The following HPSE2 variants were observed in gnomAD, a reference collection of about 807,000 sequenced individuals.
HPSE2 encodes heparanase 2 (inactive), also known as inactive heparanase-2.
In HPSE2, 38 loss-of-function variants were observed where a neutral mutation model predicts 60.5. The ratio of observed to expected loss-of-function variants is 0.63; its 90% CI spans 0.48 to 0.82. The LOEUF (loss-of-function observed/expected upper bound fraction) is 0.82. Among genes scored for constraint, HPSE2 ranks in the 40% least tolerant of loss-of-function variants. HPSE2 has a pLI of 0.00. For synonymous variants in HPSE2, 295 were observed against 293.2 expected (o/e 1.01, Z -0.06); for missense variants, 713 against 740.4 (o/e 0.96, Z 0.43).
chr10:98,982,883 C>G (rs1463969702), intron 3 of HPSE2, among the ~76,000 whole-genome samples: 1 of 152,212 alleles, frequency 6.6e-6, no homozygotes, highest in South Asian at 2.1e-4. Context: ...TGGCTGATCA[C>G]TTGAATTACT....
intron 10 of HPSE2, among the ~76,000 whole-genome samples, chr10:98,489,341 T>C (rs555447966): frequency 2.0e-5 from 3 of 152,188 alleles, no homozygotes; most frequent in Non-Finnish European, 4.4e-5. Flanking sequence ...TTATTGACAA[T>C]TAATTTTCCT....
the HPSE2 span, among the ~76,000 whole-genome samples, chr10:99,262,569 A>T: frequency 6.6e-6 from 1 of 152,130 alleles, no homozygotes; most frequent in Non-Finnish European, 1.5e-5. Context: ...ACCCTGCTTA[A>T]TGCCAATATC....
chr10:98,676,343 A>C (rs570435483), intron 6 of HPSE2, among the ~76,000 whole-genome samples: 2 of 152,272 alleles, frequency 1.3e-5, no homozygotes, highest in African/African-American at 4.8e-5. Flanking sequence ...CTTACTCTTC[A>C]AGTAAAATCC....
the HPSE2 span, among the ~76,000 whole-genome samples, chr10:99,309,418 T>C: frequency 6.6e-6 from 1 of 152,194 alleles, no homozygotes; most frequent in Non-Finnish European, 1.5e-5. Flanking sequence ...AACAGTCAAT[T>C]TGTGAAAAGG....
Position 99,063,535 on chromosome 10 carries a change from A to G in HPSE2, c.610+80703T>C, listed in dbSNP as rs142208119. 7.9e-5 allele frequency among the ~76,000 whole-genome samples: 12 copies of G among 152,310 alleles called. No homozygotes were observed. In the East Asian group the frequency reaches 2.3e-3, roughly 29 times the overall value. On this transcript the variant is annotated intron_variant, in intron 3 of 11. Coordinates refer to ENST00000370552, the MANE Select transcript of HPSE2 (RefSeq NM_021828.5). ...TTCACAGTTGAAAAGAGTGTAAACC[A>G]TTTAGGTGGGCAATTTCCCTGTACT...
intron 7 of HPSE2, among the ~76,000 whole-genome samples, chr10:98,623,122 T>C (rs906113977): frequency 6.6e-6 from 1 of 152,086 alleles, no homozygotes; most frequent in African/African-American, 2.4e-5. Flanking sequence ...TTAAAGGCAG[T>C]TAGAGAAAGG....
At chr10:98,472,207 C>T (rs1227727536) in intron 11 of HPSE2, among the ~76,000 whole-genome samples, 1 of 151,494 alleles carries the variant, frequency 6.6e-6, no homozygotes, top group Non-Finnish European at 1.5e-5. Context: ...TATATATACT[C>T]TTACATATAT....
chr10:99,019,832 T>G (rs1957222702), intron 3 of HPSE2, among the ~76,000 whole-genome samples: 1 of 151,756 alleles, frequency 6.6e-6, no homozygotes, highest in East Asian at 1.9e-4. Context: ...CCCCGTCAGC[T>G]TCCCTAGTAG....
chr10:98,655,243 T>A (rs1373913146), intron 6 of HPSE2, among the ~76,000 whole-genome samples: 1 of 152,006 alleles, frequency 6.6e-6, no homozygotes, highest in African/African-American at 2.4e-5. Context: ...TTTTTTTTTA[T>A]GGAAAATGCT....
intron 2 of HPSE2, among the ~76,000 whole-genome samples, chr10:99,202,762 C>G (rs1466222757): frequency 6.6e-6 from 1 of 152,120 alleles, no homozygotes; most frequent in Non-Finnish European, 1.5e-5. Context: ...ATTTGAACAA[C>G]TAACCACACA....
chr10:98,651,584 A>T (rs1946916370), intron 6 of HPSE2, among the ~76,000 whole-genome samples: 1 of 152,062 alleles, frequency 6.6e-6, no homozygotes, highest in Non-Finnish European at 1.5e-5. Context: ...TTTTCCCTCC[A>T]ATCTCCTACA....
In HPSE2 at chr10:98,600,925, A is replaced by G. The variant is rs377001666; in HGVS notation, c.1320+13979T>C. 8.4e-3 allele frequency among the ~76,000 whole-genome samples: 245 copies of G among 29,128 alleles called. 2 individuals are homozygous for G. The highest frequency in any genetic ancestry group is 0.011 in the African/African-American group (214 of 19,690). The allele number at this position is 29,128 out of a possible 152,430, so 19.1% of individuals were successfully genotyped here. A position where few individuals can be genotyped will look rare whatever the true frequency, so the allele number is the denominator to read the frequency against. On this transcript the variant is annotated intron_variant, in intron 9 of 11. Coordinates refer to ENST00000370552, the MANE Select transcript of HPSE2 (RefSeq NM_021828.5). ...TATGTGTGTGTGTATATATATATAT[A>G]TATATATATATATATAGAAAGAGAG...
intron 2 of HPSE2, among the ~76,000 whole-genome samples, chr10:99,163,953 A>G (rs1331922372): frequency 6.6e-6 from 1 of 151,994 alleles, no homozygotes; most frequent in African/African-American, 2.4e-5. Flanking sequence ...TCCCTTGGTT[A>G]AAATTAGTTC....
chr10:98,986,576 A>G (rs543788659), intron 3 of HPSE2, among the ~76,000 whole-genome samples: 3 of 150,868 alleles, frequency 2.0e-5, no homozygotes, highest in Non-Finnish European at 4.4e-5. Flanking sequence ...CATCACAATT[A>G]AAAGAACTAG....
the HPSE2 span, among the ~76,000 whole-genome samples, chr10:99,294,902 G>GCCTGGCTGCAC: frequency 3.3e-5 from 5 of 151,810 alleles, no homozygotes; most frequent in Admixed American, 6.6e-5. Flanking sequence ...GTTGCAGTGA[G>GCCTGGCTGCAC]TCGAGATGGC....
intron 4 of HPSE2, among the ~76,000 whole-genome samples, chr10:98,738,451 G>T (rs1949412682): frequency 6.6e-6 from 1 of 152,144 alleles, no homozygotes; most frequent in South Asian, 2.1e-4. Flanking sequence ...AAAATCAATT[G>T]CAACAAAAGC....
intron 9 of HPSE2, among the ~76,000 whole-genome samples, chr10:98,497,945 C>G (rs866857133): frequency 6.6e-6 from 1 of 152,152 alleles, no homozygotes; most frequent in Non-Finnish European, 1.5e-5. Context: ...ATTTTATGAA[C>G]TTTGGCCAGA....
At chr10:99,123,143 G>A (rs1015989090) in intron 3 of HPSE2, among the ~76,000 whole-genome samples, 2 of 152,048 alleles carry the variant, frequency 1.3e-5, no homozygotes, top group Admixed American at 6.6e-5. Context: ...AAAGAGTAAA[G>A]CTCTAAATTA....
intron 2 of HPSE2, among the ~76,000 whole-genome samples, chr10:99,229,251 C>T (rs1157407456): frequency 6.6e-6 from 1 of 151,806 alleles, no homozygotes; most frequent in Non-Finnish European, 1.5e-5. Flanking sequence ...CTCAATGCTA[C>T]AACTATCCAT....
Sources: gnomAD v4.1 joint callset for allele counts (sites outside exome capture counted in the v4.1 genomes callset) on GRCh38, gnomAD v4.1.1 for gene constraint, MANE v1.5 for transcripts, NCBI Gene and HGNC (gene_info 2026-07-23, HGNC 2026-07-21) for gene names.